Variants in IFI44 observed in about 807,000 individuals in gnomAD.
The protein encoded by IFI44 is interferon-induced protein 44.
A neutral mutation model predicts 45.0 loss-of-function variants in IFI44; 42 were observed. That is an observed-to-expected ratio of 0.93 (90% CI 0.73 to 1.21). IFI44 has a LOEUF of 1.21. Ranked by LOEUF, IFI44 falls within the 50% of genes most tolerant of loss-of-function variation. The pLI is 0.00. For synonymous variants in IFI44, 221 were observed against 188.6 expected, an observed-to-expected ratio of 1.17 and a Z score of -1.41; for missense variants, 623 against 525.8, an observed-to-expected ratio of 1.18 and a Z score of -1.81.
chr1:78,660,897 T>C (rs1570403355), intron 7 of IFI44: 1 of 478,334 alleles, frequency 2.1e-6, no homozygotes, highest in East Asian at 4.1e-5. Context: ...GCATAGTATT[T>C]GTATTTGCAT....
chr1:78,655,950 G>A (rs1046601816), intron 5 of IFI44, among the ~76,000 whole-genome samples: 1 of 152,114 alleles, frequency 6.6e-6, no homozygotes, highest in Non-Finnish European at 1.5e-5. Flanking sequence ...TGGAGGTAGC[G>A]ACTTTGGGAG....
rs762179575 is a variant in IFI44 at position 78,662,792 on chromosome 1, T to C, written c.1202T>C (p.Val401Ala). 3 of 1,613,912 alleles carry C rather than the reference T, an allele frequency of 1.9e-6. No homozygotes were observed. Among genetic ancestry groups the C allele is most frequent in the Admixed American group, 1.7e-5 (1 of 59,980 alleles). ...TCCTCTGAGTGGGAGCTGGACCCTG[T>C]AAAGGATGTTCTAATTCTTTCTGCT... ...NYSSEWELDPVKDVLILSALR... is the reference protein window; with the variant it reads ...NYSSEWELDPAKDVLILSALR... Residue 401 changes from valine (V) to alanine (A), a missense_variant, in exon 8 of 9, where the codon GTA becomes GCA. Val to Ala is a moderately conservative substitution (Grantham distance 64). Coordinates refer to ENST00000370747, the MANE Select transcript of IFI44 (RefSeq NM_006417.5).
rs765152418 is a variant in IFI44, at chr1:78,659,435, C to G, written c.964C>G (p.Gln322Glu). 2.5e-6 allele frequency: 4 copies of G among 1,613,382 alleles called. No homozygotes were observed. The Admixed American group carries it at 5.0e-5, about 20-fold the overall frequency. Residue 322 changes from glutamine (Q) to glutamate (E), a missense_variant, in exon 6 of 9, where the codon CAG (glutamine) becomes GAG (glutamate). Physicochemically the swap from Gln to Glu is conservative, Grantham distance 29 (BLOSUM62 2). Transcript: ENST00000370747. ...DASSIQYFSS[Q>E]MIVKIKRIRR... Reference sequence around the variant, plus strand: ...CAGCTCTATTCAATACTTCTCCTCTCAGATGATAGTAAAGATCAAAAGAAT... The same window carrying G: ...CAGCTCTATTCAATACTTCTCCTCTGAGATGATAGTAAAGATCAAAAGAAT...
Position 78,659,468 on chromosome 1 carries a change from G to T in IFI44, c.997G>T (p.Glu333Ter). The change falls in exon 6 of 9, where the codon GAG (glutamate) becomes TAG (stop). Residue 333 changes from glutamate to a stop codon, truncating the protein, a stop_gained. Transcript: ENST00000370747. LOFTEE classifies it high-confidence loss of function. ...MIVKIKRIRRELVNAGVVHVA... is the reference protein window; with the variant it reads ...MIVKIKRIRR ...AGTAAAGATCAAAAGAATTCGAAGGGAGTTGGTAAACGCTGGTGAGTCTCA... is the reference window on the plus strand; with the variant it reads ...AGTAAAGATCAAAAGAATTCGAAGGTAGTTGGTAAACGCTGGTGAGTCTCA... The T allele has an allele frequency of 6.2e-7, 1 of 1,612,492 alleles. No individual in the cohort carries two copies. Among genetic ancestry groups the T allele is most frequent in the South Asian group, 1.1e-5 (1 of 91,000 alleles).
In IFI44 at chr1:78,654,230, ATT is replaced by A. The variant is rs752276626; in HGVS notation, c.458-12_458-11del. 5.6e-6 allele frequency: 8 copies of A among 1,434,606 alleles called. No individual in the cohort carries two copies. Among genetic ancestry groups the A allele is most frequent in the Non-Finnish European group, 7.8e-6 (8 of 1,019,514 alleles). 88.9% of individuals were successfully genotyped at this position (1,434,606 alleles called of 1,614,324 possible). On this transcript the variant is annotated splice_polypyrimidine_tract_variant and intron_variant, in intron 2 of 8. Coordinates refer to ENST00000370747, the MANE Select transcript of IFI44 (RefSeq NM_006417.5). The stretch of plus-strand genomic sequence containing the variant: ...AACTTCTAATCTACATTATTCTTTG[ATT>A]ATTTCCCCAGATTCACTGGATGAAA...
rs200368936 is a variant in IFI44, at chr1:78,655,116, G to T, written c.597G>T (p.Lys199Asn). The change falls in exon 4 of 9, where the codon AAG becomes AAT. Residue 199 changes from lysine (K) to asparagine (N), a missense_variant. By Grantham distance (94) the Lys-to-Asn change is moderately conservative (BLOSUM62 0). Transcript: ENST00000370747. ...ILLLGPIGAGKSSFFNSVRSV... is the reference protein window; with the variant it reads ...ILLLGPIGAGNSSFFNSVRSV... ...TGCTGGGTCCAATTGGAGCTGGGAAGTCCAGCTTTTTCAACTCAGTGAGGT... is the reference window on the plus strand; with the variant it reads ...TGCTGGGTCCAATTGGAGCTGGGAATTCCAGCTTTTTCAACTCAGTGAGGT... 2 of 1,613,918 alleles carry T rather than the reference G, an allele frequency of 1.2e-6. No individual in the cohort carries two copies. Among genetic ancestry groups the T allele is most frequent in the Non-Finnish European group, 1.7e-6 (2 of 1,179,868 alleles).
chr1:78,663,321 T>A (rs1173667566), intron 8 of IFI44: 2 of 985,228 alleles, frequency 2.0e-6, no homozygotes, highest in Non-Finnish European at 2.4e-6. Context: ...TTTTTGTTTC[T>A]TTCCTTCATC....
At chr1:78,652,618 A>G (rs1362555419) in intron 2 of IFI44, among the ~76,000 whole-genome samples, 2 of 152,098 alleles carry the variant, frequency 1.3e-5, no homozygotes, top group African/African-American at 2.4e-5. Context: ...CTACCTTCCT[A>G]GTGATTCACC....
At chr1:78,659,508 G>C in intron 6 of IFI44, 25 bp downstream of exon 6, 1 of 1,585,228 alleles carries the variant, frequency 6.3e-7, no homozygotes, top group Non-Finnish European at 8.6e-7. Context: ...ACTTTGCTAA[G>C]GGTAATACCA....
intron 6 of IFI44, 128 bp downstream of exon 6, chr1:78,659,611 C>A: frequency 7.7e-6 from 5 of 645,266 alleles, no homozygotes; most frequent in Non-Finnish European, 1.3e-5. Flanking sequence ...CCTAGCCTAC[C>A]AGGATGCTTC....
Position 78,650,545 on chromosome 1 carries a change from A to C in IFI44, c.350A>C (p.Asp117Ala), listed in dbSNP as rs1361366005. The stretch of plus-strand genomic sequence containing the variant: ...AACTCCCCAACTAATTTCCAGATAG[A>C]TGGAAGAAATAGAAAAGTGATTATG... ...KYNSPTNFQI[D>A]GRNRKVIMDL... The change falls in exon 2 of 9, where the codon GAT becomes GCT. Residue 117 changes from aspartate to alanine, a missense_variant. Asp to Ala is a moderately radical substitution (Grantham distance 126). Coordinates refer to ENST00000370747, the MANE Select transcript of IFI44 (RefSeq NM_006417.5). 1.2e-6 allele frequency: 2 copies of C among 1,613,320 alleles called. No individual in the cohort carries two copies. The highest frequency in any genetic ancestry group is 2.2e-5 in the South Asian group (2 of 91,056).
At chr1:78,660,704 A>T (rs1471163003) in intron 7 of IFI44, 50 bp downstream of exon 7, 1 of 1,120,412 alleles carries the variant, frequency 8.9e-7, no homozygotes, top group Admixed American at 1.7e-5. Context: ...ATGTTACTAC[A>T]ATCACATACT....
At chr1:78,663,012 C>T (rs1647557128) in intron 8 of IFI44, 134 bp downstream of exon 8, 2 of 1,538,698 alleles carry the variant, frequency 1.3e-6, no homozygotes, top group Admixed American at 4.0e-5. Context: ...GCTTTTTAAC[C>T]CACTCCCTGG....
Position 78,655,075 on chromosome 1 carries a change from C to T in IFI44, c.556C>T (p.Gln186Ter). ...TYEPYGSLVQ[Q>*]IRILLLGPIG... ...TGAACCATATGGATCCCTGGTTCAA[C>T]AAATACGAATTCTGCTGCTGGGTCC... Residue 186 changes from glutamine (Q) to a stop codon, truncating the protein, a stop_gained, in exon 4 of 9, where the codon CAA (glutamine) becomes TAA (stop). Transcript: ENST00000370747. LOFTEE classifies it high-confidence loss of function. 5.0e-6 allele frequency: 8 copies of T among 1,613,924 alleles called. No individual in the cohort carries two copies. Among genetic ancestry groups the T allele is most frequent in the Non-Finnish European group, 6.8e-6 (8 of 1,179,874 alleles).
At chr1:78,660,428 C>A in intron 6 of IFI44, 126 bp from the exon 7 acceptor site, 1 of 659,908 alleles carries the variant, frequency 1.5e-6, no homozygotes. Flanking sequence ...TGAGGGTGAC[C>A]GGGGTGTGGG....
intron 7 of IFI44, among the ~76,000 whole-genome samples, chr1:78,661,771 G>T (rs1220750306): frequency 6.6e-6 from 1 of 152,096 alleles, no homozygotes; most frequent in Non-Finnish European, 1.5e-5. Context: ...TTTCATCAAT[G>T]GAACGGCACA....
chr1:78,652,791 T>C (rs1385995448), intron 2 of IFI44, among the ~76,000 whole-genome samples: 1 of 152,208 alleles, frequency 6.6e-6, no homozygotes, highest in Non-Finnish European at 1.5e-5. Context: ...ATTGTACTTA[T>C]CTTTTGGTTG....
At chr1:78,662,466 A>C (rs980787938) in intron 7 of IFI44, 3 of 455,158 alleles carry the variant, frequency 6.6e-6, no homozygotes, top group African/African-American at 5.9e-5. Context: ...GTGTCATAAA[A>C]ATTTTGTTTC....
chr1:78,653,255 C>T (rs1647151806), intron 2 of IFI44, among the ~76,000 whole-genome samples: 1 of 151,904 alleles, frequency 6.6e-6, no homozygotes, highest in Non-Finnish European at 1.5e-5. Context: ...TTTATCAAAA[C>T]ATTGACATAA....
Sources: allele counts gnomAD v4.1 joint callset (sites outside exome capture counted in the v4.1 genomes callset), GRCh38; gene constraint gnomAD v4.1.1; transcripts MANE v1.5; gene names NCBI Gene and HGNC (gene_info 2026-07-23, HGNC 2026-07-21).